Variants in OTUD7A observed in about 807,000 individuals in gnomAD.
The protein encoded by OTUD7A is OTU domain-containing protein 7A.
A neutral mutation model predicts 65.7 loss-of-function variants in OTUD7A; 12 were observed. The ratio of observed to expected loss-of-function variants is 0.18; its 90% CI spans 0.12 to 0.30. The LOEUF is 0.30. Ranked by LOEUF, OTUD7A falls within the 10% of genes least tolerant of loss-of-function variation. The pLI, the probability that OTUD7A is intolerant of heterozygous loss-of-function variation, is 1.00. For missense variants in OTUD7A, 1,148 were observed against 1,304.8 expected, an observed-to-expected ratio of 0.88 and a Z score of 1.85; for synonymous variants, 641 against 586.3, an observed-to-expected ratio of 1.09 and a Z score of -1.35.
intron 1 of OTUD7A, among the ~76,000 whole-genome samples, chr15:31,709,711 C>A (rs965218584): frequency 6.6e-6 from 1 of 151,558 alleles, no homozygotes; most frequent in Non-Finnish European, 1.5e-5. Context: ...CTTTGCATAT[C>A]TGTGTGTGGT....
At position 31,475,546 on chromosome 15, in the gene OTUD7A, TA is replaced by T. The variant is rs1356519654; in HGVS notation, c.*7747del. On this transcript the variant is annotated 3_prime_UTR_variant, in exon 13 of 13. Transcript: ENST00000307050. ...AAAGAAATTAAATACAATTCTTCTA[TA>T]AAAAGTGCAGTAGTCATTACTGGAA... 2.0e-5 allele frequency: 3 copies of T among 152,222 alleles called. No homozygotes were observed. Among genetic ancestry groups the T allele is most frequent in the African/African-American group, 7.2e-5 (3 of 41,452 alleles). The allele number at this position is 152,222 out of a possible 1,614,324, so 9.4% of individuals were successfully genotyped here. A position where few individuals can be genotyped will look rare whatever the true frequency, so the allele number is the denominator to read the frequency against.
At chr15:31,510,483 G>A (rs1300115458) in intron 8 of OTUD7A, among the ~76,000 whole-genome samples, 5 of 135,950 alleles carry the variant, frequency 3.7e-5, no homozygotes, top group African/African-American at 1.2e-4. Context: ...ATATATATAT[G>A]TATGTATATC....
chr15:31,622,534 C>T (rs192765362), intron 3 of OTUD7A, among the ~76,000 whole-genome samples: 77 of 152,226 alleles, frequency 5.1e-4, no homozygotes, highest in Non-Finnish European at 9.3e-4. Context: ...TCACTGATAC[C>T]CTTTCTTCCA....
intron 1 of OTUD7A, among the ~76,000 whole-genome samples, chr15:31,805,786 GA>G (rs1409617153): frequency 2.6e-5 from 4 of 152,290 alleles, no homozygotes; most frequent in South Asian, 2.1e-4. Flanking sequence ...GTTCTCCGGA[GA>G]TCTTCCTCCT....
intron 3 of OTUD7A, among the ~76,000 whole-genome samples, chr15:31,578,827 A>G (rs1010321579): frequency 6.6e-6 from 1 of 152,216 alleles, no homozygotes; most frequent in Non-Finnish European, 1.5e-5. Context: ...CTGGGATTAC[A>G]GCCATGGGCC....
intron 5 of OTUD7A, among the ~76,000 whole-genome samples, chr15:31,555,535 C>A (rs550232300): frequency 1.3e-5 from 2 of 152,164 alleles, no homozygotes; most frequent in South Asian, 2.1e-4. Flanking sequence ...GTGGGGGCCA[C>A]GGGAGCAGAG....
In OTUD7A at chr15:31,559,121, A is replaced by G; in HGVS notation, c.398T>C (p.Val133Ala). Residue 133 changes from valine (V) to alanine (A), a missense_variant, in exon 5 of 13, where the codon GTG becomes GCG. By Grantham distance (64) the Val-to-Ala change is moderately conservative. Around this residue, in one of 6 missense-constraint regions of OTUD7A, gnomAD observed 134 missense variants for 252.6 expected, o/e 0.53. Transcript: ENST00000307050. Reference protein sequence around the residue: ...SAIVSLARSHVASECNNEQFP... With the variant: ...SAIVSLARSHAASECNNEQFP... ...CTGCTCGTTGTTGCATTCACTTGCCACGTGGGACCGGGCCAGGGAGACGAT... is the reference window on the plus strand; with the variant it reads ...CTGCTCGTTGTTGCATTCACTTGCCGCGTGGGACCGGGCCAGGGAGACGAT... 1 of 1,614,202 alleles carries G rather than the reference A, an allele frequency of 6.2e-7. No individual in the cohort carries two copies. Among genetic ancestry groups the G allele is most frequent in the Non-Finnish European group, 8.5e-7 (1 of 1,180,010 alleles).
At chr15:31,657,866 C>T (rs771468437) in intron 1 of OTUD7A, among the ~76,000 whole-genome samples, 6 of 152,168 alleles carry the variant, frequency 3.9e-5, no homozygotes, top group Non-Finnish European at 7.3e-5. Flanking sequence ...CTCACTCAGC[C>T]GCTTTGAACA....
At chr15:31,699,227 C>G (rs1893156525) in intron 1 of OTUD7A, among the ~76,000 whole-genome samples, 1 of 151,846 alleles carries the variant, frequency 6.6e-6, no homozygotes, top group African/African-American at 2.4e-5. Flanking sequence ...CTACAGGCGC[C>G]CGCCACCACG....
chr15:31,767,004 A>G, intron 1 of OTUD7A: 20 of 1,611,534 alleles, frequency 1.2e-5, no homozygotes, highest in Non-Finnish European at 1.6e-5. Flanking sequence ...CCATTATGTC[A>G]TTAGCACTCA....
intron 8 of OTUD7A, 142 bp from the exon 9 acceptor site, chr15:31,503,960 GC>G: frequency 9.9e-7 from 1 of 1,008,840 alleles, no homozygotes; most frequent in Non-Finnish European, 1.4e-6. Context: ...GCCATCCTGG[GC>G]CACTTCTCAT....
intron 1 of OTUD7A, among the ~76,000 whole-genome samples, chr15:31,815,424 G>T (rs1030154978): frequency 6.6e-6 from 1 of 152,162 alleles, no homozygotes; most frequent in Non-Finnish European, 1.5e-5. Flanking sequence ...ATCCCTCAAG[G>T]GTGGCTGGGG....
At chr15:31,843,532 T>C (rs1897234175) in intron 1 of OTUD7A, among the ~76,000 whole-genome samples, 1 of 152,208 alleles carries the variant, frequency 6.6e-6, no homozygotes, top group Non-Finnish European at 1.5e-5. Flanking sequence ...AGCAGCCTTC[T>C]AGGCCCTGGC....
intron 1 of OTUD7A, among the ~76,000 whole-genome samples, chr15:31,772,266 A>C (rs1192365148): frequency 6.6e-6 from 1 of 151,486 alleles, no homozygotes; most frequent in African/African-American, 2.4e-5. Context: ...AAAAAAAAAA[A>C]AAAAATATTT....
At chr15:31,631,053 T>C (rs201068053) in intron 3 of OTUD7A, among the ~76,000 whole-genome samples, 99 of 151,462 alleles carry the variant, frequency 6.5e-4, no homozygotes, top group East Asian at 1.4e-3. Flanking sequence ...TTTGCCAGTC[T>C]GTGTCTTTTA....
intron 1 of OTUD7A, among the ~76,000 whole-genome samples, chr15:31,857,703 A>G (rs1428229878): frequency 6.6e-6 from 1 of 152,142 alleles, no homozygotes. Context: ...GTCCTTCAAC[A>G]CTTGGCTTTC....
intron 5 of OTUD7A, among the ~76,000 whole-genome samples, chr15:31,551,299 T>C (rs766354442): frequency 6.6e-6 from 1 of 152,188 alleles, no homozygotes; most frequent in Non-Finnish European, 1.5e-5. Context: ...AGGAGTGCGA[T>C]TGGGAACATG....
intron 3 of OTUD7A, among the ~76,000 whole-genome samples, chr15:31,604,965 G>A (rs59468996): frequency 0.029 from 4,483 of 152,288 alleles, 217 homozygotes; most frequent in African/African-American, 0.1. Context: ...CAAGAGGCAC[G>A]ACGAGCAGAG....
At chr15:31,543,519 A>C (rs1888044407) in intron 5 of OTUD7A, among the ~76,000 whole-genome samples, 1 of 151,926 alleles carries the variant, frequency 6.6e-6, no homozygotes, top group Admixed American at 6.6e-5. Flanking sequence ...AAACAGAGGA[A>C]TACAAAAGTG....
Sources: allele counts gnomAD v4.1 joint callset (sites outside exome capture counted in the v4.1 genomes callset), GRCh38; gene constraint gnomAD v4.1.1; regional missense constraint gnomAD v4.1.1; transcripts MANE v1.5; gene names NCBI Gene and HGNC (gene_info 2026-07-23, HGNC 2026-07-21).